SMARCAL1: variants seen among roughly 807,000 people sequenced by gnomAD.
The protein encoded by SMARCAL1 is ATP-driven annealing helicase.
SMARCAL1 carries 58 observed loss-of-function variants against 94.5 expected under a neutral mutation model. The ratio of observed to expected loss-of-function variants is 0.61; its 90% CI spans 0.50 to 0.76. The LOEUF is 0.76. SMARCAL1 is among the 30% of genes least tolerant of loss of function. The probability of loss-of-function intolerance (pLI) is 0.00; values close to 1 mark genes in which losing one functional copy is unlikely to be tolerated. For missense variants in SMARCAL1, 1,051 were observed against 1,177.9 expected (o/e 0.89, Z 1.58); for synonymous variants, 422 against 455.1 (o/e 0.93, Z 0.93).
Position 216,482,895 on chromosome 2 carries a change from A to G in SMARCAL1, c.2783A>G (p.Glu928Gly). The change falls in exon 18 of 18, where the codon GAA becomes GGA. Residue 928 changes from glutamate (E) to glycine (G), a missense_variant. Glu to Gly is a moderately conservative substitution (Grantham distance 98, BLOSUM62 -2). Coordinates refer to ENST00000357276, the MANE Select transcript of SMARCAL1 (RefSeq NM_014140.4). The surrounding 1 kb of genome is among the most constrained non-coding windows in gnomAD (Gnocchi z 4.3). Reference sequence around the variant, plus strand: ...CAGAACATGGGAGACACCCTGGATGAAAGCTCATTGACAGCCAGTCCACAG... The same window carrying G: ...CAGAACATGGGAGACACCCTGGATGGAAGCTCATTGACAGCCAGTCCACAG... ...SSQNMGDTLDESSLTASPQKK... is the reference protein window; with the variant it reads ...SSQNMGDTLDGSSLTASPQKK... The G allele has an allele frequency of 6.2e-7, 1 of 1,614,232 alleles. No individual in the cohort carries two copies. Among genetic ancestry groups the G allele is most frequent in the Non-Finnish European group, 8.5e-7 (1 of 1,180,044 alleles).
chr2:216,413,510 TG>T (rs1300968921), intron 1 of SMARCAL1, among the ~76,000 whole-genome samples: 2 of 152,214 alleles, frequency 1.3e-5, no homozygotes, highest in Non-Finnish European at 2.9e-5. Flanking sequence ...TTGTTATGGA[TG>T]AAAAAAAATC....
chr2:216,455,010 C>T (rs951158293), intron 12 of SMARCAL1, among the ~76,000 whole-genome samples: 4 of 152,234 alleles, frequency 2.6e-5, no homozygotes, highest in Non-Finnish European at 5.9e-5. Flanking sequence ...CCTAATACTG[C>T]GCTTTTCCAA....
intron 11 of SMARCAL1, among the ~76,000 whole-genome samples, chr2:216,447,429 T>A (rs1694343461): frequency 6.6e-6 from 1 of 152,072 alleles, no homozygotes; most frequent in Admixed American, 6.5e-5. Context: ...TGTGTAGGTA[T>A]GTGGAGCTCT....
Position 216,435,444 on chromosome 2 carries a change from T to C in SMARCAL1, c.1592T>C (p.Leu531Pro). 6.2e-7 allele frequency: 1 copy of C among 1,614,206 alleles called. No homozygotes were observed. The highest frequency in any genetic ancestry group is 8.5e-7 in the Non-Finnish European group (1 of 1,180,010). ...AGLINIVSFD[L>P]LSKLEKQLKT... ...CTGATCAACATTGTCAGCTTTGACC[T>C]TCTTAGCAAGTTGGAAAAACAGCTA... The change falls in exon 9 of 18, where the codon CTT (leucine) becomes CCT (proline). Residue 531 changes from leucine to proline, a missense_variant. Physicochemically the swap from Leu to Pro is moderately conservative, Grantham distance 98 (BLOSUM62 -3). Transcript: ENST00000357276.
intron 17 of SMARCAL1, among the ~76,000 whole-genome samples, chr2:216,481,559 A>G (rs1013285148): frequency 1.3e-5 from 2 of 151,514 alleles, no homozygotes; most frequent in African/African-American, 4.9e-5. Flanking sequence ...GCTGGAGTGC[A>G]GTGGCGTGAT....
intron 14 of SMARCAL1, among the ~76,000 whole-genome samples, chr2:216,472,047 T>A (rs1694978112): frequency 6.6e-6 from 1 of 152,180 alleles, no homozygotes; most frequent in African/African-American, 2.4e-5. Flanking sequence ...GTTGTATGTA[T>A]AATAATTTTT....
rs3836032 is a variant in SMARCAL1 at position 216,437,785 on chromosome 2, C to CTATA, written c.1645-623_1645-620dup. 1.1e-3 allele frequency among the ~76,000 whole-genome samples: 170 copies of CTATA among 150,788 alleles called. 2 individuals carry two copies. Among genetic ancestry groups the CTATA allele is most frequent in the African/African-American group, 3.9e-3 (161 of 41,158 alleles). Reference sequence around the variant, plus strand: ...GAAAAAAAGAATAAAGAAAAACAAACTATATATATATATATGTATGTATTT... The same window carrying CTATA: ...GAAAAAAAGAATAAAGAAAAACAAACTATATATATATATATATATGTATGTATTT... On this transcript the variant is annotated intron_variant, in intron 9 of 17. Coordinates refer to ENST00000357276, the MANE Select transcript of SMARCAL1 (RefSeq NM_014140.4).
intron 9 of SMARCAL1, among the ~76,000 whole-genome samples, chr2:216,435,715 T>C (rs1241973354): frequency 1.3e-5 from 2 of 152,194 alleles, no homozygotes; most frequent in African/African-American, 4.8e-5. Context: ...GGAGCTTTTT[T>C]TGAAATTGTG....
intron 16 of SMARCAL1, among the ~76,000 whole-genome samples, chr2:216,477,501 G>C (rs1316976752): frequency 2.0e-5 from 3 of 152,174 alleles, no homozygotes; most frequent in African/African-American, 7.2e-5. Context: ...ACAAAATATA[G>C]ATGGAATTTA....
At chr2:216,440,492 G>T (rs1367993769) in intron 10 of SMARCAL1, among the ~76,000 whole-genome samples, 1 of 152,138 alleles carries the variant, frequency 6.6e-6, no homozygotes, top group Non-Finnish European at 1.5e-5. Context: ...TCTCTAAACT[G>T]CTAACTAATA....
intron 7 of SMARCAL1, among the ~76,000 whole-genome samples, chr2:216,432,240 C>T (rs1693979843): frequency 6.6e-6 from 1 of 152,084 alleles, no homozygotes; most frequent in Non-Finnish European, 1.5e-5. Context: ...GTGATCCGCC[C>T]CACTCAGCCT....
chr2:216,425,481 C>A (rs1449001720), intron 6 of SMARCAL1, among the ~76,000 whole-genome samples: 1 of 152,188 alleles, frequency 6.6e-6, no homozygotes, highest in African/African-American at 2.4e-5. Flanking sequence ...AAGGTCTGGG[C>A]TCCCAGAAAG....
At position 216,475,548 on chromosome 2, in the gene SMARCAL1, T is replaced by G; in HGVS notation, c.2427+97T>G. ...GTCGGGGAAAGTGTGGTTTCCCTTT[T>G]ATCCATTCATTATACTTCCCACAAG... On this transcript the variant is annotated intron_variant, in intron 15 of 17. Transcript: ENST00000357276. The surrounding 1 kb of genome is among the most constrained non-coding windows in gnomAD (Gnocchi z 4.4). The G allele has an allele frequency of 8.0e-7, 1 of 1,245,158 alleles. No homozygotes were observed. Among genetic ancestry groups the G allele is most frequent in the Admixed American group, 1.7e-5 (1 of 57,238 alleles). The allele number at this position is 1,245,158 out of a possible 1,614,324, so 77.1% of individuals were successfully genotyped here.
chr2:216,422,890 T>C (rs1175388275), intron 5 of SMARCAL1, among the ~76,000 whole-genome samples: 11 of 152,250 alleles, frequency 7.2e-5, no homozygotes, highest in Non-Finnish European at 2.9e-5. Context: ...TAGTTGATAT[T>C]GTGTGTAATT....
rs1442612142 is a variant in SMARCAL1 at position 216,420,549 on chromosome 2, T to C, written c.1096+17T>C. Reference sequence around the variant, plus strand: ...GAAGATATGGCAAGTAATTGGTCTTTGTCTGATTCCCAGAATGTGTAGTGG... The same window carrying C: ...GAAGATATGGCAAGTAATTGGTCTTCGTCTGATTCCCAGAATGTGTAGTGG... On this transcript the variant is annotated intron_variant, in intron 5 of 17. Transcript: ENST00000357276. 1.3e-6 allele frequency: 2 copies of C among 1,586,376 alleles called. No individual in the cohort carries two copies. The highest frequency in any genetic ancestry group is 1.3e-5 in the African/African-American group (1 of 74,284).
chr2:216,475,505 A>T lies in SMARCAL1; in HGVS notation c.2427+54A>T, dbSNP rs2106086671. 1 of 1,571,000 alleles carries T rather than the reference A, an allele frequency of 6.4e-7. No individual in the cohort carries two copies. The highest frequency in any genetic ancestry group is 2.2e-5 in the East Asian group (1 of 44,638). ...CCCAGGCATGCTCATGGCTGTGGGC[A>T]GGAAGCAGTGAGTGTCGGTCGGGGA... is the stretch of plus-strand genomic sequence containing the variant. On this transcript the variant is annotated intron_variant, in intron 15 of 17. Coordinates refer to ENST00000357276, the MANE Select transcript of SMARCAL1 (RefSeq NM_014140.4). The surrounding 1 kb of genome is among the most constrained non-coding windows in gnomAD (Gnocchi z 4.4).
intron 10 of SMARCAL1, among the ~76,000 whole-genome samples, chr2:216,444,749 T>A (rs912728575): frequency 6.6e-6 from 1 of 152,216 alleles, no homozygotes; most frequent in Non-Finnish European, 1.5e-5. Flanking sequence ...ACTCCTGACC[T>A]CAGGTGATCC....
chr2:216,441,986 G>A (rs1694207002), intron 10 of SMARCAL1, among the ~76,000 whole-genome samples: 1 of 152,182 alleles, frequency 6.6e-6, no homozygotes, highest in Non-Finnish European at 1.5e-5. Flanking sequence ...TCTTTCCTAA[G>A]AAGCAGCTGT....
rs1693999183 is a variant in SMARCAL1, at chr2:216,432,946, CAG to C, written c.1485+79_1485+80del. 2.5e-5 allele frequency: 39 copies of C among 1,560,316 alleles called. 1 individual carries two copies. The highest frequency in any genetic ancestry group is 3.4e-4 in the Middle Eastern group (2 of 5,920). On this transcript the variant is annotated intron_variant, in intron 8 of 17. Transcript: ENST00000357276. Reference sequence around the variant, plus strand: ...GAGTCATAAAATAATGGTTTGCAGACAGGGCCTAGGGATCTTTAAGGATCCTG... The same window carrying C: ...GAGTCATAAAATAATGGTTTGCAGACGGCCTAGGGATCTTTAAGGATCCTG...
Sources: allele counts gnomAD v4.1 joint callset (sites outside exome capture counted in the v4.1 genomes callset), GRCh38; gene constraint gnomAD v4.1.1; non-coding constraint Gnocchi (gnomAD v3.1); transcripts MANE v1.5; gene names NCBI Gene and HGNC (gene_info 2026-07-23, HGNC 2026-07-21).